Variants in XYLT1 observed in about 807,000 individuals in gnomAD.
XYLT1 encodes xylosyltransferase 1.
In XYLT1, 36 loss-of-function variants were observed where a neutral mutation model predicts 91.3. The ratio of observed to expected loss-of-function variants is 0.39; its 90% CI spans 0.30 to 0.52. The LOEUF (loss-of-function observed/expected upper bound fraction) is 0.52, where lower values mean the gene tolerates loss of function less well. Ranked by LOEUF, XYLT1 falls within the 20% of genes least tolerant of loss-of-function variation. XYLT1 has a pLI of 0.68. For synonymous variants in XYLT1, 588 were observed against 532.0 expected (o/e 1.11, Z -1.45); for missense variants, 1,242 against 1,284.5 (o/e 0.97, Z 0.51).
chr16:17,138,061 G>GGAAAGTTTTTTTTAACCTTT (rs1555481536), intron 8 of XYLT1, among the ~76,000 whole-genome samples: 4 of 151,750 alleles, frequency 2.6e-5, no homozygotes, highest in Non-Finnish European at 4.4e-5. Context: ...TATGGCCTTT[G>GGAAAGTTTTTTTTAACCTTT]GAAAGTTTTT....
At chr16:17,339,921 A>C (rs1230549471) in intron 2 of XYLT1, among the ~76,000 whole-genome samples, 2 of 150,316 alleles carry the variant, frequency 1.3e-5, no homozygotes, top group Non-Finnish European at 1.5e-5. Context: ...CCATCCATTC[A>C]TCCATCCTCC....
chr16:17,463,749 G>C (rs772555656), intron 1 of XYLT1, among the ~76,000 whole-genome samples: 2 of 152,184 alleles, frequency 1.3e-5, no homozygotes, highest in Non-Finnish European at 1.5e-5. Flanking sequence ...ATTATCCAAA[G>C]GAAAGGAAAT....
At chr16:17,466,654 C>T (rs1044439090) in intron 1 of XYLT1, among the ~76,000 whole-genome samples, 3 of 152,078 alleles carry the variant, frequency 2.0e-5, no homozygotes, top group Non-Finnish European at 4.4e-5. Flanking sequence ...CTGAAGAGAA[C>T]GTCTAAAGTA....
intron 1 of XYLT1, among the ~76,000 whole-genome samples, chr16:17,368,447 G>A (rs907497128): frequency 1.3e-5 from 2 of 151,968 alleles, no homozygotes; most frequent in Non-Finnish European, 2.9e-5. Context: ...CGCTATCATT[G>A]GTTAAGTCCT....
intron 5 of XYLT1, among the ~76,000 whole-genome samples, chr16:17,195,813 A>G (rs920733191): frequency 1.3e-5 from 2 of 152,134 alleles, no homozygotes; most frequent in Non-Finnish European, 2.9e-5. Flanking sequence ...ATCTAACTCC[A>G]TCTTCTCAGC....
Position 17,383,752 on chromosome 16 carries a change from C to CTTTTTTTTT in XYLT1, c.364-25711_364-25703dup, listed in dbSNP as rs71373109. ...GCTGTGTGACCCAAAGTGGAATTTTCTTTTTTTTTTTTGAGACGGAGTTTC... is the reference window on the plus strand; with the variant it reads ...GCTGTGTGACCCAAAGTGGAATTTTCTTTTTTTTTTTTTTTTTTTTTGAGACGGAGTTTC... On this transcript the variant is annotated intron_variant, in intron 1 of 11. Transcript: ENST00000261381. 1.5e-5 allele frequency among the ~76,000 whole-genome samples: 2 copies of CTTTTTTTTT among 135,596 alleles called. 1 individual carries two copies. 89.0% of individuals were successfully genotyped at this position (135,596 alleles called of 152,430 possible).
chr16:17,108,672 T>A lies in XYLT1; in HGVS notation c.*23A>T. ...CTGCTTTCCCGTTGAGATCCTGCTG[T>A]GGCCCACTCCTCGTGCCCAGTGCTA... On this transcript the variant is annotated 3_prime_UTR_variant, in exon 12 of 12. Transcript: ENST00000261381. 18 of 1,536,732 alleles carry A rather than the reference T, an allele frequency of 1.2e-5. No individual in the cohort carries two copies. Among genetic ancestry groups the A allele is most frequent in the Non-Finnish European group, 1.6e-5 (18 of 1,142,686 alleles).
At chr16:17,384,618 G>A (rs2035724653) in intron 1 of XYLT1, among the ~76,000 whole-genome samples, 1 of 151,816 alleles carries the variant, frequency 6.6e-6, no homozygotes, top group African/African-American at 2.4e-5. Flanking sequence ...CTTCAGATGT[G>A]GTGTGGGAGT....
At chr16:17,314,392 A>G (rs1242247053) in intron 2 of XYLT1, among the ~76,000 whole-genome samples, 1 of 152,136 alleles carries the variant, frequency 6.6e-6, no homozygotes, top group Non-Finnish European at 1.5e-5. Context: ...TTGCCGAGTC[A>G]GTCATTTTTT....
chr16:17,264,281 T>C (rs146448298), intron 2 of XYLT1, among the ~76,000 whole-genome samples: 101 of 152,284 alleles, frequency 6.6e-4, no homozygotes, highest in Non-Finnish European at 1.2e-3. Context: ...GGTTCTAGGA[T>C]TCGGACTATT....
At chr16:17,398,437 C>T (rs1334996845) in intron 1 of XYLT1, among the ~76,000 whole-genome samples, 1 of 152,176 alleles carries the variant, frequency 6.6e-6, no homozygotes, top group Non-Finnish European at 1.5e-5. Flanking sequence ...GATTTAAGGA[C>T]TTACTCAGGG....
intron 3 of XYLT1, among the ~76,000 whole-genome samples, chr16:17,220,804 G>A (rs1164173185): frequency 6.6e-6 from 1 of 152,186 alleles, no homozygotes; most frequent in South Asian, 2.1e-4. Flanking sequence ...TCCTGGGCTT[G>A]TTTGCCTGGG....
chr16:17,378,510 C>G (rs2035630798), intron 1 of XYLT1, among the ~76,000 whole-genome samples: 1 of 152,130 alleles, frequency 6.6e-6, no homozygotes, highest in Non-Finnish European at 1.5e-5. Flanking sequence ...AACCTAAAAT[C>G]CTAGTTAGTA....
At chr16:17,325,365 C>T (rs1478999937) in intron 2 of XYLT1, among the ~76,000 whole-genome samples, 1 of 152,178 alleles carries the variant, frequency 6.6e-6, no homozygotes, top group Non-Finnish European at 1.5e-5. Flanking sequence ...GGTGCCACTG[C>T]ACTCTAGCCT....
At chr16:17,431,589 A>G (rs8062963) in intron 1 of XYLT1, among the ~76,000 whole-genome samples, 35,150 of 152,244 alleles carry the variant, frequency 0.23, 4,559 homozygotes, top group African/African-American at 0.34. Flanking sequence ...ATACCATGTC[A>G]TTGGTGATCA....
intron 1 of XYLT1, among the ~76,000 whole-genome samples, chr16:17,424,545 T>C (rs1053968423): frequency 2.0e-4 from 31 of 152,056 alleles, no homozygotes; most frequent in Non-Finnish European, 5.9e-5. Context: ...GGGAGTGTTA[T>C]GTGGATGCTG....
At chr16:17,221,625 G>A (rs897289760) in intron 3 of XYLT1, among the ~76,000 whole-genome samples, 9 of 152,186 alleles carry the variant, frequency 5.9e-5, no homozygotes, top group African/African-American at 2.2e-4. Context: ...TGTAGTCCCA[G>A]CTCTTCGGGA....
intron 1 of XYLT1, among the ~76,000 whole-genome samples, chr16:17,413,864 T>C (rs1042672373): frequency 3.3e-5 from 5 of 152,090 alleles, no homozygotes; most frequent in African/African-American, 1.2e-4. Flanking sequence ...CCAGAGTCTA[T>C]ACCCCCTCAG....
At chr16:17,121,824 T>A (rs8045786) in intron 10 of XYLT1, among the ~76,000 whole-genome samples, 99,382 of 152,020 alleles carry the variant, frequency 0.65, 33,330 homozygotes, top group Non-Finnish European at 0.71. Flanking sequence ...CTTAGCTCCC[T>A]CTTATGAGTG....
Sources: allele counts gnomAD v4.1 joint callset (sites outside exome capture counted in the v4.1 genomes callset), GRCh38; gene constraint gnomAD v4.1.1; transcripts MANE v1.5; gene names NCBI Gene and HGNC (gene_info 2026-07-23, HGNC 2026-07-21).